The following PREPL variants were observed in gnomAD, a reference collection of about 807,000 sequenced individuals.
PREPL encodes the protein prolyl endopeptidase-like.
A neutral mutation model predicts 70.6 loss-of-function variants in PREPL; 77 were observed. The observed-to-expected ratio is 1.09, with a 90% CI of 0.91 to 1.32. PREPL has a LOEUF of 1.32. Among genes scored for constraint, PREPL ranks in the 40% most tolerant of loss-of-function variants. The pLI, the probability that PREPL is intolerant of heterozygous loss-of-function variation, is 0.00. For missense variants in PREPL, 1,002 were observed against 778.2 expected (o/e 1.29, Z -3.42); for synonymous variants, 315 against 264.8 (o/e 1.19, Z -1.84).
chr2:44,333,754 C>G (rs1196752790), intron 7 of PREPL, among the ~76,000 whole-genome samples: 1 of 152,076 alleles, frequency 6.6e-6, no homozygotes, highest in African/African-American at 2.4e-5. Context: ...TAAATTTAAG[C>G]CATAACTGGA....
chr2:44,338,838 C>G (rs1388368056), intron 6 of PREPL, among the ~76,000 whole-genome samples: 4 of 152,210 alleles, frequency 2.6e-5, no homozygotes, highest in Admixed American at 2.6e-4. Flanking sequence ...AGCAGAAGAA[C>G]TGCCTAGCTG....
rs1276639762 is a variant in PREPL, at chr2:44,317,723, C to G, written c.*3633G>C. ...ACAATTTTCAAATTTTCAAAGAATA[C>G]TAGAAGAAAAAAATTATACAGTCAA... is the stretch of plus-strand genomic sequence containing the variant. On this transcript the variant is annotated 3_prime_UTR_variant, in exon 14 of 14. Transcript: ENST00000409411. 1 of 151,734 alleles carries G rather than the reference C, an allele frequency of 6.6e-6. No homozygotes were observed. The highest frequency in any genetic ancestry group is 1.5e-5 in the Non-Finnish European group (1 of 68,108). 9.4% of individuals were successfully genotyped at this position (151,734 alleles called of 1,614,324 possible).
intron 12 of PREPL, 101 bp downstream of exon 12, chr2:44,322,630 G>C: frequency 7.0e-7 from 1 of 1,425,146 alleles, no homozygotes; most frequent in Non-Finnish European, 9.5e-7. Flanking sequence ...CTAAATCCTG[G>C]GCAGATGATT....
Position 44,320,041 on chromosome 2 carries a change from T to C in PREPL, c.*1315A>G, listed in dbSNP as rs994992710. 2 of 629,792 alleles carry C rather than the reference T, an allele frequency of 3.2e-6. No homozygotes were observed. Among genetic ancestry groups the C allele is most frequent in the Non-Finnish European group, 2.7e-6 (1 of 364,074 alleles). The allele number at this position is 629,792 out of a possible 1,614,324, so 39.0% of individuals were successfully genotyped here. On this transcript the variant is annotated 3_prime_UTR_variant, in exon 14 of 14. Transcript: ENST00000409411. ...TCATTTCTATCAGTTTTTATATAAA[T>C]TGTTCTTACCTACTTATTGATGCTT...
At chr2:44,348,324 T>A (rs892037636) in intron 1 of PREPL, among the ~76,000 whole-genome samples, 1 of 152,252 alleles carries the variant, frequency 6.6e-6, no homozygotes, top group African/African-American at 2.4e-5. Context: ...GATATCTGTA[T>A]CAATAATCCC....
At chr2:44,323,194 G>C (rs1296231909) in intron 11 of PREPL, 68 bp downstream of exon 11, 4 of 1,425,310 alleles carry the variant, frequency 2.8e-6, no homozygotes, top group South Asian at 1.5e-5. Flanking sequence ...GCTTCAGCTT[G>C]GATAAGTTTT....
intron 1 of PREPL, among the ~76,000 whole-genome samples, chr2:44,353,562 T>C (rs1219315939): frequency 6.6e-6 from 1 of 151,094 alleles, no homozygotes; most frequent in Non-Finnish European, 1.5e-5. Flanking sequence ...CACTCCAACC[T>C]GGGCGACAGA....
At chr2:44,353,767 A>G (rs531013596) in intron 1 of PREPL, among the ~76,000 whole-genome samples, 93 of 152,292 alleles carry the variant, frequency 6.1e-4, no homozygotes, top group African/African-American at 2.0e-3. Flanking sequence ...ATGGAAAAAG[A>G]ACACTCTTTT....
intron 1 of PREPL, among the ~76,000 whole-genome samples, chr2:44,352,232 T>G (rs367744647): frequency 6.6e-6 from 1 of 152,202 alleles, no homozygotes; most frequent in Admixed American, 6.5e-5. Context: ...AACTATCGCT[T>G]TTGACCCACT....
At chr2:44,349,903 A>G (rs993547992) in intron 1 of PREPL, among the ~76,000 whole-genome samples, 2 of 152,234 alleles carry the variant, frequency 1.3e-5, no homozygotes, top group Admixed American at 6.5e-5. Flanking sequence ...GACCCAAGAA[A>G]TAGAAAAGCT....
chr2:44,338,610 GA>G, intron 6 of PREPL, 74 bp from the exon 7 acceptor site: 1 of 1,228,172 alleles, frequency 8.1e-7, no homozygotes, highest in African/African-American at 1.5e-5. Flanking sequence ...TGCAATCACT[GA>G]GAACTAGACC....
intron 4 of PREPL, 60 bp downstream of exon 4, chr2:44,343,685 T>C (rs978108969): frequency 5.4e-6 from 8 of 1,487,280 alleles, no homozygotes; most frequent in Middle Eastern, 1.7e-4. Flanking sequence ...GACAAAAAAA[T>C]GTTTCAAAAG....
At chr2:44,332,086 A>G (rs892673938) in intron 8 of PREPL, among the ~76,000 whole-genome samples, 2 of 151,654 alleles carry the variant, frequency 1.3e-5, no homozygotes, top group Admixed American at 6.6e-5. Context: ...AGCTGGGACT[A>G]CAGGCGCCCG....
intron 1 of PREPL, among the ~76,000 whole-genome samples, chr2:44,355,306 G>C (rs1294341369): frequency 1.3e-5 from 2 of 152,222 alleles, no homozygotes; most frequent in African/African-American, 4.8e-5. Flanking sequence ...CCAGCACTTT[G>C]AGAGGGCAAG....
At position 44,320,243 on chromosome 2, in the gene PREPL, T is replaced by C. The variant is rs1049953866; in HGVS notation, c.*1113A>G. ...GATCGGCTTTGAAGTTATATCAAGATTTAAGTCTACTTCATGCCAATGAGC... is the reference window on the plus strand; with the variant it reads ...GATCGGCTTTGAAGTTATATCAAGACTTAAGTCTACTTCATGCCAATGAGC... On this transcript the variant is annotated 3_prime_UTR_variant, in exon 14 of 14. Coordinates refer to ENST00000409411, the MANE Select transcript of PREPL (RefSeq NM_001171613.2). 1.9e-5 allele frequency: 31 copies of C among 1,614,050 alleles called. No homozygotes were observed. The highest frequency in any genetic ancestry group is 2.6e-5 in the Non-Finnish European group (31 of 1,179,960).
intron 2 of PREPL, among the ~76,000 whole-genome samples, 192 bp from the exon 3 acceptor site, chr2:44,344,778 C>G (rs1442238921): frequency 6.6e-6 from 1 of 152,154 alleles, no homozygotes; most frequent in Admixed American, 6.6e-5. Flanking sequence ...TTCGTATGTT[C>G]ATAACCACTA....
chr2:44,343,669 A>G (rs1675466729), intron 4 of PREPL, 76 bp downstream of exon 4: 6 of 1,367,100 alleles, frequency 4.4e-6, no homozygotes, highest in Non-Finnish European at 6.2e-6. Context: ...TCCCTCCCTC[A>G]CATGCGACAA....
At chr2:44,336,501 C>T (rs1674656745) in intron 7 of PREPL, among the ~76,000 whole-genome samples, 1 of 151,932 alleles carries the variant, frequency 6.6e-6, no homozygotes, top group Non-Finnish European at 1.5e-5. Flanking sequence ...CACATGGACA[C>T]AAGGAAGAGA....
chr2:44,318,300 C>G lies in PREPL; in HGVS notation c.*3056G>C, dbSNP rs962367705. ...AGAGATGGTGTTTCACCATGTTGGC[C>G]AGGCTGGTCTTGAACTCCTGACCTC... On this transcript the variant is annotated 3_prime_UTR_variant, in exon 14 of 14. Coordinates refer to ENST00000409411, the MANE Select transcript of PREPL (RefSeq NM_001171613.2). 4.6e-5 allele frequency: 12 copies of G among 260,252 alleles called. No homozygotes were observed. The highest frequency in any genetic ancestry group is 2.7e-4 in the East Asian group (2 of 7,280). The allele number at this position is 260,252 out of a possible 1,614,324, so 16.1% of individuals were successfully genotyped here.
Sources: allele counts gnomAD v4.1 joint callset (sites outside exome capture counted in the v4.1 genomes callset), GRCh38; gene constraint gnomAD v4.1.1; transcripts MANE v1.5; gene names NCBI Gene and HGNC (gene_info 2026-07-23, HGNC 2026-07-21).